The following KCNN2 variants were observed in gnomAD, a reference collection of about 807,000 sequenced individuals.
KCNN2 encodes small conductance calcium-activated potassium channel protein 2.
KCNN2 carries 24 observed loss-of-function variants against 55.5 expected under a neutral mutation model. The ratio of observed to expected loss-of-function variants is 0.43; its 90% CI spans 0.31 to 0.61. The LOEUF (loss-of-function observed/expected upper bound fraction) is 0.61, where lower values mean the gene tolerates loss of function less well. Among genes scored for constraint, KCNN2 ranks in the 20% least tolerant of loss-of-function variants. The pLI is 0.08. For synonymous variants in KCNN2, 431 were observed against 336.1 expected, an observed-to-expected ratio of 1.28 and a Z score of -3.09; for missense variants, 754 against 853.6, an observed-to-expected ratio of 0.88 and a Z score of 1.45.
intron 4 of KCNN2, among the ~76,000 whole-genome samples, chr5:114,469,832 G>C (rs1046636995): frequency 1.3e-5 from 2 of 152,060 alleles, no homozygotes; most frequent in Admixed American, 6.6e-5. Context: ...AAAAATAAAG[G>C]TTACTTTCAT....
intron 2 of KCNN2, among the ~76,000 whole-genome samples, chr5:114,249,803 G>A (rs1406122213): frequency 1.3e-5 from 2 of 151,388 alleles, no homozygotes; most frequent in Non-Finnish European, 2.9e-5. Context: ...CAAGAGGTAT[G>A]CAAGGCTGAT....
At chr5:114,090,064 A>G (rs2112553403) in intron 1 of KCNN2, among the ~76,000 whole-genome samples, 1 of 152,352 alleles carries the variant, frequency 6.6e-6, no homozygotes, top group South Asian at 2.1e-4. Context: ...TTAATTAAAT[A>G]AGAAAATATG....
intron 1 of KCNN2, among the ~76,000 whole-genome samples, chr5:114,215,933 G>A (rs1370548203): frequency 6.6e-6 from 1 of 152,074 alleles, no homozygotes; most frequent in Non-Finnish European, 1.5e-5. Flanking sequence ...TGAATTAAAA[G>A]CATTTTAATG....
chr5:114,453,740 A>G (rs1760796226), intron 3 of KCNN2, among the ~76,000 whole-genome samples: 2 of 151,948 alleles, frequency 1.3e-5, no homozygotes, highest in Non-Finnish European at 2.9e-5. Flanking sequence ...TTCTAACTGC[A>G]TTACGGTTAC....
intron 1 of KCNN2, among the ~76,000 whole-genome samples, chr5:114,202,489 C>G (rs1232112174): frequency 2.7e-5 from 2 of 73,106 alleles, no homozygotes; most frequent in Non-Finnish European, 5.5e-5. Flanking sequence ...CATAGCACTT[C>G]ATGCCTAATA....
intron 2 of KCNN2, among the ~76,000 whole-genome samples, chr5:114,403,716 G>T (rs1194211385): frequency 6.6e-6 from 1 of 151,942 alleles, no homozygotes; most frequent in Non-Finnish European, 1.5e-5. Context: ...TTGCTTTCTC[G>T]CTGGTTTTTT....
At chr5:114,373,348 T>C (rs908369893) in intron 2 of KCNN2, among the ~76,000 whole-genome samples, 1 of 151,900 alleles carries the variant, frequency 6.6e-6, no homozygotes, top group Non-Finnish European at 1.5e-5. Flanking sequence ...GAAAGCAATA[T>C]TGGAAGATAA....
At chr5:114,403,179 C>A (rs1347333313) in intron 2 of KCNN2, among the ~76,000 whole-genome samples, 1 of 152,134 alleles carries the variant, frequency 6.6e-6, no homozygotes, top group African/African-American at 2.4e-5. Context: ...TGGAACTCAG[C>A]TGGGACTTTG....
intron 2 of KCNN2, among the ~76,000 whole-genome samples, chr5:114,391,513 GTT>G (rs1361594676): frequency 1.3e-5 from 2 of 151,988 alleles, no homozygotes; most frequent in Non-Finnish European, 1.5e-5. Flanking sequence ...GTGTGTGTGT[GTT>G]TCCTGTGAGT....
chr5:114,361,122 TC>T (rs1324946828), upstream of KCNN2: 2 of 152,136 alleles, frequency 1.3e-5, no homozygotes, highest in African/African-American at 4.8e-5. Context: ...GGGGGCGCCA[TC>T]CCCTCATGTT....
At chr5:114,259,340 G>C (rs1755051840) in intron 2 of KCNN2, among the ~76,000 whole-genome samples, 1 of 152,192 alleles carries the variant, frequency 6.6e-6, no homozygotes, top group Non-Finnish European at 1.5e-5. Context: ...AGCCTGAGCA[G>C]GCACTGATGA....
At chr5:114,211,071 C>A (rs1480780221) in intron 1 of KCNN2, among the ~76,000 whole-genome samples, 1 of 152,020 alleles carries the variant, frequency 6.6e-6, no homozygotes, top group Non-Finnish European at 1.5e-5. Context: ...CAGATGGTTG[C>A]AAGGTTGTGG....
chr5:114,493,469 A>G lies in KCNN2; in HGVS notation c.2085A>G (p.Ala695=). 2 of 1,608,728 alleles carry G rather than the reference A, an allele frequency of 1.2e-6. No individual in the cohort carries two copies. Among genetic ancestry groups the G allele is most frequent in the Non-Finnish European group, 1.7e-6 (2 of 1,175,194 alleles). ...AAGCAAACACTTTGGTGGACTTGGCAAAGGTAAGCCTGAGGTGCTTAGCCC... is the reference window on the plus strand; with the variant it reads ...AAGCAAACACTTTGGTGGACTTGGCGAAGGTAAGCCTGAGGTGCTTAGCCC... The part of the protein sequence containing the change: ...NDQANTLVDL[A]KTQNIMYDMI... Residue 695 remains alanine (A), a synonymous_variant, in exon 7 of 8, where the codon GCA becomes GCG. Coordinates refer to ENST00000673685, the MANE Select transcript of KCNN2 (RefSeq NM_021614.4).
intron 3 of KCNN2, among the ~76,000 whole-genome samples, chr5:114,441,615 G>A (rs538143755): frequency 3.2e-4 from 48 of 152,054 alleles, no homozygotes; most frequent in Non-Finnish European, 5.4e-4. Context: ...TAATATGAGG[G>A]TGGCATCCTT....
intron 1 of KCNN2, among the ~76,000 whole-genome samples, chr5:114,105,265 T>C (rs1751461915): frequency 6.6e-6 from 1 of 152,062 alleles, no homozygotes. Flanking sequence ...TCCCCATCAA[T>C]ATAAATAACT....
At chr5:114,145,889 T>C (rs1037976212) in intron 1 of KCNN2, among the ~76,000 whole-genome samples, 2 of 152,110 alleles carry the variant, frequency 1.3e-5, no homozygotes, top group Non-Finnish European at 2.9e-5. Flanking sequence ...GGATTGTCTG[T>C]TGTAAAGGAG....
chr5:114,121,552 G>A (rs561496612), intron 1 of KCNN2, among the ~76,000 whole-genome samples: 1 of 152,260 alleles, frequency 6.6e-6, no homozygotes, highest in Non-Finnish European at 1.5e-5. Context: ...CAGCAAGATT[G>A]GAGACAAGCG....
chr5:114,093,262 A>G (rs1341802862), intron 1 of KCNN2, among the ~76,000 whole-genome samples: 2 of 152,048 alleles, frequency 1.3e-5, no homozygotes, highest in African/African-American at 2.4e-5. Flanking sequence ...TCAGTTCCCA[A>G]TGAGTTCCTC....
At chr5:114,357,739 G>C (rs1757323141), upstream of KCNN2, among the ~76,000 whole-genome samples, 1 of 138,686 alleles carries the variant, frequency 7.2e-6, no homozygotes, top group African/African-American at 2.7e-5. Context: ...TTGCTATTGT[G>C]AATAATGCCG....
Sources: allele counts gnomAD v4.1 joint callset (sites outside exome capture counted in the v4.1 genomes callset), GRCh38; gene constraint gnomAD v4.1.1; transcripts MANE v1.5; gene names NCBI Gene and HGNC (gene_info 2026-07-23, HGNC 2026-07-21).